MTPAP: variants seen among roughly 807,000 people sequenced by gnomAD.
MTPAP encodes the protein poly(A) RNA polymerase, mitochondrial.
Under a neutral mutation model 48.7 loss-of-function variants are expected in MTPAP, and 23 were observed. The observed-to-expected ratio is 0.47, with a 90% CI of 0.34 to 0.67. The LOEUF is 0.67. Ranked by LOEUF, MTPAP falls within the 30% of genes least tolerant of loss-of-function variation. MTPAP has a pLI of 0.01. For synonymous variants in MTPAP, 257 were observed against 254.1 expected (o/e 1.01, Z -0.11); for missense variants, 614 against 694.3 (o/e 0.88, Z 1.30).
chr10:30,324,261 T>C (rs533171231), intron 5 of MTPAP, among the ~76,000 whole-genome samples: 3 of 152,272 alleles, frequency 2.0e-5, no homozygotes, highest in Non-Finnish European at 4.4e-5. Context: ...CTCACGCCTG[T>C]AGTCCCAGCA....
At position 30,342,107 on chromosome 10, in the gene MTPAP, G is replaced by A. The variant is rs540130750; in HGVS notation, c.158-467C>T. On this transcript the variant is annotated intron_variant, in intron 1 of 8. Transcript: ENST00000263063. The stretch of plus-strand genomic sequence containing the variant: ...AAAAATTAGCCAGGCATGGTGGCGC[G>A]CGCCTGTAGTCCCAGCTACTTGGGA... 2.0e-4 allele frequency among the ~76,000 whole-genome samples: 31 copies of A among 152,064 alleles called. No homozygotes were observed. In the East Asian group the frequency reaches 5.6e-3, roughly 27 times the overall value.
At chr10:30,337,519 G>A (rs1190126892) in intron 3 of MTPAP, among the ~76,000 whole-genome samples, 2 of 152,116 alleles carry the variant, frequency 1.3e-5, no homozygotes, top group Non-Finnish European at 2.9e-5. Flanking sequence ...CGGATCATAT[G>A]AGGCAAGGAG....
At chr10:30,328,305 A>G (rs1489738587) in intron 4 of MTPAP, among the ~76,000 whole-genome samples, 1 of 152,244 alleles carries the variant, frequency 6.6e-6, no homozygotes, top group Non-Finnish European at 1.5e-5. Context: ...CAGGTTAGTG[A>G]CCAGAACTAA....
chr10:30,345,813 A>G (rs968356424), intron 1 of MTPAP, among the ~76,000 whole-genome samples: 3 of 152,120 alleles, frequency 2.0e-5, no homozygotes, highest in Admixed American at 6.6e-5. Context: ...TTGGGAGGTC[A>G]GGGAGGGTGG....
At chr10:30,325,694 C>A (rs754420620) in intron 5 of MTPAP, among the ~76,000 whole-genome samples, 2 of 151,916 alleles carry the variant, frequency 1.3e-5, no homozygotes, top group African/African-American at 4.8e-5. Flanking sequence ...TGCAGTGAGC[C>A]GAGATCGTGC....
chr10:30,324,741 C>A (rs1834562778), intron 5 of MTPAP, among the ~76,000 whole-genome samples: 1 of 152,150 alleles, frequency 6.6e-6, no homozygotes, highest in Non-Finnish European at 1.5e-5. Flanking sequence ...TGGCGGCTCA[C>A]ACCTGTAATC....
intron 2 of MTPAP, 46 bp from the exon 3 acceptor site, chr10:30,340,496 T>C: frequency 1.5e-6 from 2 of 1,298,190 alleles, no homozygotes; most frequent in Non-Finnish European, 1.1e-6. Flanking sequence ...TCACGATATA[T>C]CTAACATACT....
chr10:30,330,951 C>G (rs1046219651), intron 4 of MTPAP, among the ~76,000 whole-genome samples: 1 of 152,124 alleles, frequency 6.6e-6, no homozygotes, highest in African/African-American at 2.4e-5. Flanking sequence ...ACCTCAGCAA[C>G]AGATAAATAG....
chr10:30,347,611 G>A (rs1179223909), intron 1 of MTPAP, among the ~76,000 whole-genome samples: 2 of 152,226 alleles, frequency 1.3e-5, no homozygotes, highest in Non-Finnish European at 2.9e-5. Flanking sequence ...AGTTTTACTG[G>A]CTGGGCGCGG....
At chr10:30,338,337 C>G in intron 3 of MTPAP, among the ~76,000 whole-genome samples, 1 of 151,486 alleles carries the variant, frequency 6.6e-6, no homozygotes, top group African/African-American at 2.4e-5. Context: ...CATAACATAA[C>G]GTAACATAAC....
At chr10:30,314,884 C>CAAAAAAAAAAAAAAAAAAAAAAAA (rs34249388) in intron 8 of MTPAP, among the ~76,000 whole-genome samples, 4 of 110,750 alleles carry the variant, frequency 3.6e-5, no homozygotes, top group Non-Finnish European at 5.3e-5. Context: ...AAAACAAAAA[C>CAAAAAAAAAAAAAAAAAAAAAAAA]AAAAAAAAAA....
intron 1 of MTPAP, among the ~76,000 whole-genome samples, chr10:30,346,497 C>T (rs952805742): frequency 3.9e-5 from 6 of 152,108 alleles, no homozygotes; most frequent in Non-Finnish European, 8.8e-5. Flanking sequence ...CATAATATAG[C>T]ACCTTCTCTT....
chr10:30,345,727 A>T (rs1184886780), intron 1 of MTPAP, among the ~76,000 whole-genome samples: 1 of 152,188 alleles, frequency 6.6e-6, no homozygotes, highest in Non-Finnish European at 1.5e-5. Context: ...ATAATACAAT[A>T]TGGTAAGCAC....
intron 4 of MTPAP, among the ~76,000 whole-genome samples, chr10:30,335,485 C>G (rs1834720420): frequency 6.6e-6 from 1 of 152,032 alleles, no homozygotes; most frequent in Admixed American, 6.6e-5. Context: ...GAGACTCTAT[C>G]TCCAACAAAA....
intron 8 of MTPAP, among the ~76,000 whole-genome samples, 199 bp downstream of exon 8, chr10:30,315,764 G>A (rs34937867): frequency 6.6e-6 from 1 of 152,136 alleles, no homozygotes; most frequent in Non-Finnish European, 1.5e-5. Context: ...TAAAGAGCTG[G>A]CTTTTACTAT....
chr10:30,343,988 C>T (rs1048448587), intron 1 of MTPAP, among the ~76,000 whole-genome samples: 6 of 152,152 alleles, frequency 3.9e-5, no homozygotes, highest in African/African-American at 1.4e-4. Context: ...GTCTCATTCA[C>T]CCTAGTTTTG....
intron 5 of MTPAP, 104 bp from the exon 6 acceptor site, chr10:30,322,721 T>A: frequency 1.2e-6 from 1 of 801,308 alleles, no homozygotes; most frequent in Non-Finnish European, 2.1e-6. Flanking sequence ...CTACTATATC[T>A]GAATGTATTC....
chr10:30,346,402 T>C (rs151331540), intron 1 of MTPAP, among the ~76,000 whole-genome samples: 25 of 152,162 alleles, frequency 1.6e-4, no homozygotes, highest in African/African-American at 5.5e-4. Flanking sequence ...GAAACTCTAA[T>C]ATACAATTAC....
At chr10:30,323,196 T>C (rs1840746335) in intron 5 of MTPAP, among the ~76,000 whole-genome samples, 1 of 149,490 alleles carries the variant, frequency 6.7e-6, no homozygotes, top group Admixed American at 6.6e-5. Flanking sequence ...CTCATGCCTG[T>C]AATCCCAGCC....
Sources: allele counts gnomAD v4.1 joint callset (sites outside exome capture counted in the v4.1 genomes callset), GRCh38; gene constraint gnomAD v4.1.1; transcripts MANE v1.5; gene names NCBI Gene and HGNC (gene_info 2026-07-23, HGNC 2026-07-21).